SAMD4A: variants seen among roughly 807,000 people sequenced by gnomAD.
SAMD4A encodes the protein sterile alpha motif domain containing 4A.
In SAMD4A, 33 loss-of-function variants were observed where a neutral mutation model predicts 81.3. The ratio of observed to expected loss-of-function variants is 0.41; its 90% confidence interval spans 0.31 to 0.54. The LOEUF is 0.54. Ranked by LOEUF, SAMD4A falls within the 20% of genes least tolerant of loss-of-function variation. The probability of loss-of-function intolerance (pLI) is 0.37; values close to 1 mark genes in which losing one functional copy is unlikely to be tolerated. For missense variants in SAMD4A, 854 were observed against 951.1 expected (o/e 0.90, Z 1.34); for synonymous variants, 389 against 382.1 (o/e 1.02, Z -0.21).
rs773857093 is a variant in SAMD4A, at chr14:54,760,196, C to T, written c.1212C>T (p.Leu404=). Reference sequence around the variant, plus strand: ...AGGGGGGCAGCCTGCGCATCCCGCTCCAGGAACTGCACCAGATGATCCTGA... The same window carrying T: ...AGGGGGGCAGCCTGCGCATCCCGCTTCAGGAACTGCACCAGATGATCCTGA... The part of the protein sequence containing the change: ...IIEGGSLRIP[L]QELHQMILTP... The change falls in exon 7 of 13, where the codon CTC becomes CTT. Residue 404 remains leucine (L), a synonymous_variant. Coordinates refer to ENST00000554335, the MANE Select transcript of SAMD4A (RefSeq NM_015589.6). 5 of 1,613,156 alleles carry T rather than the reference C, an allele frequency of 3.1e-6. No homozygotes were observed. Among genetic ancestry groups the T allele is most frequent in the African/African-American group, 1.3e-5 (1 of 74,880 alleles).
intron 8 of SAMD4A, among the ~76,000 whole-genome samples, chr14:54,767,585 G>C (rs753371926): frequency 6.6e-6 from 1 of 152,228 alleles, no homozygotes; most frequent in Non-Finnish European, 1.5e-5. Context: ...TCTTCCTCCA[G>C]ACAGATGCAT....
chr14:54,664,289 G>A (rs956686259), intron 2 of SAMD4A, among the ~76,000 whole-genome samples: 1 of 152,138 alleles, frequency 6.6e-6, no homozygotes, highest in Admixed American at 6.5e-5. Context: ...TCAAAGATAA[G>A]GCATGGCCCC....
In SAMD4A at chr14:54,700,992, A is replaced by ATTTTTTTTTTTTTTTTTTTTT. The variant is rs1555344776; in HGVS notation, c.197-1070_197-1069insTTTTTTTTTTTTTTTTTTTTT. ...AGTTGCACACCACTGTGAAACGGTG[A>ATTTTTTTTTTTTTTTTTTTTT]ATTTTTTTTTTTTTTTTTTTTTTGA... On this transcript the variant is annotated intron_variant, in intron 2 of 12. Transcript: ENST00000554335. The ATTTTTTTTTTTTTTTTTTTTT allele has an allele frequency of 1.6e-5, 2 of 121,654 alleles. 1 individual carries two copies. Among genetic ancestry groups the ATTTTTTTTTTTTTTTTTTTTT allele is most frequent in the Non-Finnish European group, 3.5e-5 (2 of 56,434 alleles). 7.5% of individuals were successfully genotyped at this position (121,654 alleles called of 1,614,324 possible).
At chr14:54,782,564 T>C (rs2039024852) in intron 11 of SAMD4A, among the ~76,000 whole-genome samples, 1 of 152,168 alleles carries the variant, frequency 6.6e-6, no homozygotes, top group South Asian at 2.1e-4. Flanking sequence ...GCACCCCACT[T>C]CCCTGGAAGC....
intron 4 of SAMD4A, among the ~76,000 whole-genome samples, chr14:54,737,773 C>T (rs547332398): frequency 6.6e-6 from 1 of 151,896 alleles, no homozygotes; most frequent in African/African-American, 2.4e-5. Flanking sequence ...TTTCTCTCTC[C>T]TCTTCTCTTT....
intron 2 of SAMD4A, among the ~76,000 whole-genome samples, chr14:54,622,458 G>A (rs796940017): frequency 2.0e-5 from 3 of 152,320 alleles, no homozygotes; most frequent in African/African-American, 7.2e-5. Context: ...TGTGTTAAAG[G>A]CACTGACTTG....
chr14:54,577,696 A>T (rs1194941793), intron 2 of SAMD4A, among the ~76,000 whole-genome samples: 2 of 152,082 alleles, frequency 1.3e-5, no homozygotes, highest in Non-Finnish European at 2.9e-5. Context: ...TACCAGTCGC[A>T]CTCTCCCTGG....
intron 3 of SAMD4A, among the ~76,000 whole-genome samples, chr14:54,724,830 T>C (rs1354183325): frequency 3.9e-5 from 6 of 152,194 alleles, no homozygotes; most frequent in African/African-American, 1.4e-4. Context: ...ACACCCTAAC[T>C]GGCTGTTCTA....
At chr14:54,656,840 C>T (rs1009688475) in intron 2 of SAMD4A, among the ~76,000 whole-genome samples, 1 of 152,120 alleles carries the variant, frequency 6.6e-6, no homozygotes, top group African/African-American at 2.4e-5. Flanking sequence ...ATCTCCTGAC[C>T]TTGTGATCCA....
At chr14:54,780,071 T>C (rs2038961758) in intron 11 of SAMD4A, among the ~76,000 whole-genome samples, 1 of 152,076 alleles carries the variant, frequency 6.6e-6, no homozygotes. Context: ...GGCTCAACAG[T>C]AGGAGATCAT....
At chr14:54,752,795 T>G (rs113601628) in intron 6 of SAMD4A, among the ~76,000 whole-genome samples, 21 of 152,306 alleles carry the variant, frequency 1.4e-4, no homozygotes, top group African/African-American at 5.1e-4. Context: ...GGTTACTATC[T>G]TCGTTATTTC....
At chr14:54,727,166 CTTTTTTTTTTTTTTTTTTTTTTT>C (rs567831973) in intron 3 of SAMD4A, among the ~76,000 whole-genome samples, 102 of 59,184 alleles carry the variant, frequency 1.7e-3, no homozygotes, top group Middle Eastern at 0.014. Context: ...TCTTTTTTTC[CTTTTTTTTTTTTTTTTTTTTTTT>C]TTTTTTTTTT....
At chr14:54,631,029 G>A (rs550028187) in intron 2 of SAMD4A, among the ~76,000 whole-genome samples, 1 of 151,742 alleles carries the variant, frequency 6.6e-6, no homozygotes, top group East Asian at 1.9e-4. Context: ...GGAGGTCCAG[G>A]AGAGCTGATG....
chr14:54,594,199 A>G (rs564385459), intron 2 of SAMD4A, among the ~76,000 whole-genome samples: 85 of 152,312 alleles, frequency 5.6e-4, no homozygotes, highest in African/African-American at 1.5e-3. Flanking sequence ...AGCTCTGTTT[A>G]TGCTCTTCTT....
chr14:54,601,381 A>T (rs1283329804), intron 2 of SAMD4A, among the ~76,000 whole-genome samples: 1 of 152,156 alleles, frequency 6.6e-6, no homozygotes, highest in Non-Finnish European at 1.5e-5. Context: ...TAGAGTCCAG[A>T]TTATAAATAA....
chr14:54,650,141 A>C (rs1428080976), intron 2 of SAMD4A, among the ~76,000 whole-genome samples: 1 of 152,236 alleles, frequency 6.6e-6, no homozygotes, highest in Non-Finnish European at 1.5e-5. Context: ...ACAGAAAGAA[A>C]GTGAATGAAA....
chr14:54,661,378 G>C (rs1414645742), intron 2 of SAMD4A, among the ~76,000 whole-genome samples: 1 of 152,148 alleles, frequency 6.6e-6, no homozygotes, highest in Admixed American at 6.5e-5. Flanking sequence ...GTTCGAAGCT[G>C]TGCCCCTGGT....
At chr14:54,724,007 T>TGGATGGATGGATGGAAGGAAGGAA (rs1555347506) in intron 3 of SAMD4A, among the ~76,000 whole-genome samples, 4 of 124,172 alleles carry the variant, frequency 3.2e-5, no homozygotes, top group African/African-American at 1.2e-4. Flanking sequence ...GATGGATGGA[T>TGGATGGATGGATGGAAGGAAGGAA]GGAAGGAAGG....
At chr14:54,746,892 C>T (rs766961118) in intron 4 of SAMD4A, among the ~76,000 whole-genome samples, 2 of 152,178 alleles carry the variant, frequency 1.3e-5, no homozygotes, top group African/African-American at 4.8e-5. Context: ...GGTAACATGC[C>T]GTTGGCCTGA....
Sources: allele counts gnomAD v4.1 joint callset (sites outside exome capture counted in the v4.1 genomes callset), GRCh38; gene constraint gnomAD v4.1.1; transcripts MANE v1.5; gene names NCBI Gene and HGNC (gene_info 2026-07-23, HGNC 2026-07-21).